The following CNRIP1 variants were observed in gnomAD, a reference collection of about 807,000 sequenced individuals.
CNRIP1 encodes cannabinoid receptor interacting protein 1.
Under a neutral mutation model 15.2 loss-of-function variants are expected in CNRIP1, and 10 were observed. The observed-to-expected ratio is 0.66, with a 90% confidence interval of 0.41 to 1.12. CNRIP1 has a LOEUF of 1.12. Ranked by LOEUF, CNRIP1 falls within the 50% of genes most tolerant of loss-of-function variation. CNRIP1 has a pLI of 0.00. For synonymous variants in CNRIP1, 91 were observed against 83.2 expected (o/e 1.09, Z -0.51); for missense variants, 211 against 214.7 (o/e 0.98, Z 0.11).
At chr2:68,285,387 A>G (rs1671004223) in intron 2 of CNRIP1, among the ~76,000 whole-genome samples, 1 of 152,236 alleles carries the variant, frequency 6.6e-6, no homozygotes, top group South Asian at 2.1e-4. Flanking sequence ...ATGTCTTCAT[A>G]CAATCAATCT....
At chr2:68,284,352 A>T in exon 3 of CNRIP1, 1 of 957,162 alleles carries the variant, frequency 1.0e-6, no homozygotes, top group Non-Finnish European at 1.5e-6. Context: ...GCCCTCCCCT[A>T]GAATGCAAAG....
intron 2 of CNRIP1, among the ~76,000 whole-genome samples, chr2:68,306,481 A>G (rs146195395): frequency 7.2e-4 from 110 of 152,240 alleles, no homozygotes; most frequent in African/African-American, 2.5e-3. Context: ...CTATCATGGT[A>G]TAAAGATTAC....
intron 2 of CNRIP1, among the ~76,000 whole-genome samples, chr2:68,311,895 G>A (rs1224976488): frequency 6.6e-6 from 1 of 150,762 alleles, no homozygotes; most frequent in Non-Finnish European, 1.5e-5. Flanking sequence ...TGGGAATAAA[G>A]TTGAAAATTT....
chr2:68,305,226 AAG>A (rs1671773636), intron 2 of CNRIP1, among the ~76,000 whole-genome samples: 1 of 137,838 alleles, frequency 7.3e-6, no homozygotes, highest in African/African-American at 2.8e-5. Context: ...CCTGGGCAAC[AAG>A]AGTGAAACTC....
intron 2 of CNRIP1, among the ~76,000 whole-genome samples, chr2:68,296,564 A>ATGTGTGTGTGTGTGTG (rs140524601): frequency 4.0e-5 from 6 of 151,016 alleles, no homozygotes; most frequent in Non-Finnish European, 7.4e-5. Flanking sequence ...ATATATGTGT[A>ATGTGTGTGTGTGTGTG]TGTGTGTGTG....
chr2:68,286,069 C>A (rs1671024189), intron 2 of CNRIP1, among the ~76,000 whole-genome samples: 1 of 152,136 alleles, frequency 6.6e-6, no homozygotes, highest in African/African-American at 2.4e-5. Context: ...TCTTTTCAGG[C>A]AAATTTGGTT....
At chr2:68,300,929 G>A (rs1446605977) in intron 2 of CNRIP1, among the ~76,000 whole-genome samples, 1 of 152,174 alleles carries the variant, frequency 6.6e-6, no homozygotes, top group East Asian at 1.9e-4. Flanking sequence ...TGAATTTGTA[G>A]TTAAAAATCT....
intron 2 of CNRIP1, among the ~76,000 whole-genome samples, chr2:68,309,497 A>G (rs890681762): frequency 3.3e-5 from 5 of 152,240 alleles, no homozygotes; most frequent in African/African-American, 9.6e-5. Context: ...AATTCACTTC[A>G]CAAAGCTATT....
chr2:68,313,664 A>G (rs1011972801), intron 2 of CNRIP1, among the ~76,000 whole-genome samples: 6 of 152,174 alleles, frequency 3.9e-5, no homozygotes, highest in Non-Finnish European at 7.4e-5. Context: ...TTAACTGCAA[A>G]TAATTTTCAG....
rs867516707 is a variant in CNRIP1 at position 68,319,352 on chromosome 2, G to C, written c.49C>G (p.Gln17Glu). Reference sequence around the variant, plus strand: ...TAAAAGACCGGGCCGTCATTAGGCTGGATGCGCAGCGCGATGGAGAGGCGC... The same window carrying C: ...TAAAAGACCGGGCCGTCATTAGGCTCGATGCGCAGCGCGATGGAGAGGCGC... ...LVRLSIALRI[Q>E]PNDGPVFYKV... is the part of the protein sequence containing the mutation. The change falls in exon 1 of 3, where the codon CAG (glutamine) becomes GAG (glutamate). Residue 17 changes from glutamine to glutamate, a missense_variant. Gln to Glu is a conservative substitution (Grantham distance 29, BLOSUM62 2). Transcript: ENST00000263655. 5 of 1,583,248 alleles carry C rather than the reference G, an allele frequency of 3.2e-6. No homozygotes were observed. The highest frequency in any genetic ancestry group is 4.3e-6 in the Non-Finnish European group (5 of 1,165,300).
At chr2:68,309,232 A>C (rs1192677679) in intron 2 of CNRIP1, among the ~76,000 whole-genome samples, 1 of 152,194 alleles carries the variant, frequency 6.6e-6, no homozygotes, top group Non-Finnish European at 1.5e-5. Flanking sequence ...GTAGCATTTA[A>C]TATTTCTAGA....
downstream of CNRIP1, among the ~76,000 whole-genome samples, chr2:68,290,002 G>A (rs1356754930): frequency 6.9e-6 from 1 of 144,098 alleles, no homozygotes. Flanking sequence ...TTAAATTGAG[G>A]TATTTTTGCC....
In CNRIP1 at chr2:68,317,371, G is replaced by T. The variant is rs182846596; in HGVS notation, c.180-64C>A. On this transcript the variant is annotated intron_variant, in intron 1 of 2. Coordinates refer to ENST00000263655, the MANE Select transcript of CNRIP1 (RefSeq NM_015463.3). ...AGCCTAGGCACCCTGTCCTGTTTTG[G>T]ACCAAAACTCTAGGCAGGAAACTTA... The T allele has an allele frequency of 5.0e-5, 78 of 1,563,402 alleles. No homozygotes were observed. In the African/African-American group the frequency reaches 7.3e-4, roughly 15 times the overall value.
intron 1 of CNRIP1, among the ~76,000 whole-genome samples, chr2:68,318,492 A>C (rs1443451811): frequency 2.6e-5 from 4 of 152,176 alleles, no homozygotes; most frequent in Non-Finnish European, 5.9e-5. Flanking sequence ...GGTCGCTGGC[A>C]AGAAATCGTC....
At chr2:68,313,963 C>G (rs1027628667) in intron 2 of CNRIP1, among the ~76,000 whole-genome samples, 1 of 152,134 alleles carries the variant, frequency 6.6e-6, no homozygotes, top group African/African-American at 2.4e-5. Flanking sequence ...TACGCTGTCT[C>G]CAGCTCTTGA....
At chr2:68,308,403 G>A (rs1468511909) in intron 2 of CNRIP1, among the ~76,000 whole-genome samples, 1 of 151,266 alleles carries the variant, frequency 6.6e-6, no homozygotes, top group African/African-American at 2.4e-5. Context: ...ACAGACTCTT[G>A]AAGAAGTGTC....
In CNRIP1 at chr2:68,319,489, G is replaced by C. The variant is rs1028966517; in HGVS notation, c.-89C>G. On this transcript the variant is annotated 5_prime_UTR_variant, in exon 1 of 3. Transcript: ENST00000263655. ...TGGCTGGAGCGCGAGGGGCGGAGAGGAAGCGCGGGGAGGGTGAGGGAGGTG... is the reference window on the plus strand; with the variant it reads ...TGGCTGGAGCGCGAGGGGCGGAGAGCAAGCGCGGGGAGGGTGAGGGAGGTG... 8 of 1,325,446 alleles carry C rather than the reference G, an allele frequency of 6.0e-6. No individual in the cohort carries two copies. The African/African-American group carries it at 1.2e-4, about 20-fold the overall frequency. The allele number at this position is 1,325,446 out of a possible 1,614,324, so 82.1% of individuals were successfully genotyped here.
intron 2 of CNRIP1, among the ~76,000 whole-genome samples, chr2:68,299,638 A>G (rs1214799592): frequency 6.6e-6 from 1 of 152,206 alleles, no homozygotes; most frequent in East Asian, 1.9e-4. Context: ...TAGCAGCCCC[A>G]GCGGAGACAA....
At position 68,293,855 on chromosome 2, in the gene CNRIP1, G is replaced by T; in HGVS notation, c.*7C>A. On this transcript the variant is annotated 3_prime_UTR_variant, in exon 3 of 3. Coordinates refer to ENST00000263655, the MANE Select transcript of CNRIP1 (RefSeq NM_015463.3). ...AGATTGTCCAGTAGCATCAGAAAGA[G>T]CCACTTTCAGAGGAAGGACTCCTTG... 1 of 1,612,296 alleles carries T rather than the reference G, an allele frequency of 6.2e-7. No homozygotes were observed. The highest frequency in any genetic ancestry group is 1.1e-5 in the South Asian group (1 of 91,016).
Sources: allele counts gnomAD v4.1 joint callset (sites outside exome capture counted in the v4.1 genomes callset), GRCh38; gene constraint gnomAD v4.1.1; transcripts MANE v1.5; gene names NCBI Gene and HGNC (gene_info 2026-07-23, HGNC 2026-07-21).